The following UBN2 variants were observed in gnomAD, a reference collection of about 807,000 sequenced individuals.
UBN2 encodes the protein ubinuclein-2.
In UBN2, 35 loss-of-function variants were observed where a neutral mutation model predicts 120.2. The observed-to-expected ratio is 0.29, with a 90% CI of 0.22 to 0.39. UBN2 has a LOEUF of 0.39. UBN2 is among the 10% of genes least tolerant of loss of function. The pLI, the probability that UBN2 is intolerant of heterozygous loss-of-function variation, is 1.00. For synonymous variants in UBN2, 661 were observed against 648.7 expected, an observed-to-expected ratio of 1.02 and a Z score of -0.29; for missense variants, 1,693 against 1,663.2, an observed-to-expected ratio of 1.02 and a Z score of -0.31.
At chr7:139,255,533 C>T (rs914635107) in intron 3 of UBN2, among the ~76,000 whole-genome samples, 3 of 152,062 alleles carry the variant, frequency 2.0e-5, no homozygotes, top group Non-Finnish European at 4.4e-5. Context: ...AGTTTCTGAA[C>T]AAGGTAGGTT....
At position 139,269,416 on chromosome 7, in the gene UBN2, C is replaced by T. The variant is rs761105213; in HGVS notation, c.1489C>T (p.Leu497=). The T allele has an allele frequency of 1.9e-6, 3 of 1,614,074 alleles. No homozygotes were observed. The highest frequency in any genetic ancestry group is 2.2e-5 in the South Asian group (2 of 91,076). ...CAGCATTGAGTTACAGCTACAAGAA[C>T]TAGGCCCTGTCATTCGCAGTGGTGT... ...LLDIELQLQE[L]GPVIRSGVYS... The change falls in exon 8 of 18, where the codon CTA becomes TTA. Residue 497 remains leucine (L), a synonymous_variant. Transcript: ENST00000473989.
chr7:139,269,340 A>G (rs759058367), intron 7 of UBN2, 54 bp from the exon 8 acceptor site: 87 of 1,571,390 alleles, frequency 5.5e-5, no homozygotes, highest in Middle Eastern at 1.7e-4. Context: ...TGTCTGTGCA[A>G]TGCCACCTAA....
chr7:139,236,586 A>AT (rs917565026), intron 1 of UBN2, among the ~76,000 whole-genome samples: 1 of 151,818 alleles, frequency 6.6e-6, no homozygotes, highest in Non-Finnish European at 1.5e-5. Context: ...GTTCCTGGGG[A>AT]TTTTTTTTCT....
intron 3 of UBN2, among the ~76,000 whole-genome samples, chr7:139,252,455 A>G (rs1796648317): frequency 6.6e-6 from 1 of 152,234 alleles, no homozygotes; most frequent in Non-Finnish European, 1.5e-5. Flanking sequence ...ATGAAACTTT[A>G]TCTATGGTCT....
Position 139,283,084 on chromosome 7 carries a change from C to A in UBN2, c.2179C>A (p.Pro727Thr). The A allele has an allele frequency of 6.2e-7, 1 of 1,613,018 alleles. No homozygotes were observed. The highest frequency in any genetic ancestry group is 2.2e-5 in the East Asian group (1 of 44,872). The change falls in exon 15 of 18, where the codon CCT (proline) becomes ACT (threonine). Residue 727 changes from proline (P) to threonine (T), a missense_variant. This residue lies in a region of UBN2 where 837 missense variants were observed against 817.6 expected (regional missense o/e 1.02). Coordinates refer to ENST00000473989, the MANE Select transcript of UBN2 (RefSeq NM_173569.4). ...PTSLVASVSG[P>T]PTSSSTAAIA... ...ATCCCTGGTGGCTTCGGTTAGCGGT[C>A]CTCCAACGAGCTCCAGCACAGCTGC...
At chr7:139,250,499 G>T (rs1263812468) in intron 2 of UBN2, among the ~76,000 whole-genome samples, 1 of 151,726 alleles carries the variant, frequency 6.6e-6, no homozygotes, top group East Asian at 1.9e-4. Context: ...CTCCCAAAGT[G>T]CTGGGATTAC....
intron 7 of UBN2, among the ~76,000 whole-genome samples, chr7:139,268,698 G>C (rs1797168501): frequency 6.6e-6 from 1 of 152,126 alleles, no homozygotes; most frequent in South Asian, 2.1e-4. Flanking sequence ...TGGCTCACTG[G>C]CCTTGACCTG....
intron 10 of UBN2, 48 bp from the exon 11 acceptor site, chr7:139,273,883 G>A (rs1466890735): frequency 4.0e-6 from 6 of 1,493,598 alleles, no homozygotes; most frequent in Non-Finnish European, 5.4e-6. Context: ...GCTGCCAAAT[G>A]TATGTTCTTC....
intron 2 of UBN2, among the ~76,000 whole-genome samples, chr7:139,242,674 T>C (rs1264738481): frequency 6.6e-6 from 1 of 152,256 alleles, no homozygotes; most frequent in African/African-American, 2.4e-5. Flanking sequence ...TTCCTTGGCC[T>C]CTTTGAATTG....
Position 139,261,504 on chromosome 7 carries a change from C to T in UBN2, c.1158C>T (p.Ser386=). The T allele has an allele frequency of 6.2e-7, 1 of 1,614,148 alleles. No individual in the cohort carries two copies. Among genetic ancestry groups the T allele is most frequent in the East Asian group, 2.2e-5 (1 of 44,888 alleles). The stretch of plus-strand genomic sequence containing the variant: ...ATCCAGACCTTCCCATTTTTGTTAG[C>T]ACAAATGAACATGAGCTGTTTCAGG... ...SGDPDLPIFV[S]TNEHELFQEA... Residue 386 remains serine, a synonymous_variant, in exon 6 of 18, where the codon AGC becomes AGT. Transcript: ENST00000473989.
At chr7:139,308,525 A>AG (rs1168962349), downstream of UBN2, among the ~76,000 whole-genome samples, 1 of 152,192 alleles carries the variant, frequency 6.6e-6, no homozygotes, top group Admixed American at 6.5e-5. Context: ...TAATGTGGGA[A>AG]GACTCAGTGC....
At chr7:139,321,178 C>T in the UBN2 span, among the ~76,000 whole-genome samples, 1 of 152,230 alleles carries the variant, frequency 6.6e-6, no homozygotes, top group Non-Finnish European at 1.5e-5. Flanking sequence ...AGATCACCTT[C>T]ACAGCTCATG....
chr7:139,254,938 T>C (rs2130966812), intron 3 of UBN2, among the ~76,000 whole-genome samples: 1 of 152,318 alleles, frequency 6.6e-6, no homozygotes, highest in East Asian at 1.9e-4. Context: ...AGCCCAGACA[T>C]TGTGACACAT....
intron 7 of UBN2, among the ~76,000 whole-genome samples, chr7:139,267,552 G>A (rs920551585): frequency 2.7e-5 from 4 of 150,604 alleles, no homozygotes; most frequent in African/African-American, 9.8e-5. Context: ...AAAAAAAAGA[G>A]AGAAAGAGAG....
rs765750762 is a variant in UBN2 at position 139,284,216 on chromosome 7, C to G, written c.3311C>G (p.Ser1104Cys). The change falls in exon 15 of 18, where the codon TCC becomes TGC. Residue 1104 changes from serine to cysteine, a missense_variant. By Grantham distance (112) the Ser-to-Cys change is moderately radical. Around this residue, in one of 5 missense-constraint regions of UBN2, gnomAD observed 837 missense variants for 817.6 expected, o/e 1.02. Coordinates refer to ENST00000473989, the MANE Select transcript of UBN2 (RefSeq NM_173569.4). ...GCACTAGTTGCCCAGGGTAGCCACT[C>G]CAGCACTAACAGCCCAGTCCATAAA... ...PNALVAQGSH[S>C]STNSPVHKQP... 6.2e-7 allele frequency: 1 copy of G among 1,614,198 alleles called. No homozygotes were observed. The highest frequency in any genetic ancestry group is 8.5e-7 in the Non-Finnish European group (1 of 1,180,040).
chr7:139,316,741 G>A, the UBN2 span, among the ~76,000 whole-genome samples: 1 of 151,782 alleles, frequency 6.6e-6, no homozygotes, highest in African/African-American at 2.4e-5. Flanking sequence ...GTGAAACTCT[G>A]TCTCAAAAAA....
chr7:139,231,662 C>A lies in UBN2; in HGVS notation c.178C>A (p.Arg60Ser). ...GCCGGCCCCGCGGGAGCCTGCCCCC[C>A]GCTCGGACGCGCAGCCCCCGTCGCG... ...EPPAPREPAP[R>S]SDAQPPSREK... The change falls in exon 1 of 18, where the codon CGC becomes AGC. Residue 60 changes from arginine (R) to serine (S), a missense_variant. By Grantham distance (110) the Arg-to-Ser change is moderately radical (BLOSUM62 -1). Coordinates refer to ENST00000473989, the MANE Select transcript of UBN2 (RefSeq NM_173569.4). The A allele has an allele frequency of 2.5e-6, 3 of 1,195,058 alleles. No homozygotes were observed. Among genetic ancestry groups the A allele is most frequent in the Non-Finnish European group, 3.1e-6 (3 of 967,092 alleles). 74.0% of individuals were successfully genotyped at this position (1,195,058 alleles called of 1,614,324 possible). A position where few individuals can be genotyped will look rare whatever the true frequency, so the allele number is the denominator to read the frequency against.
At chr7:139,281,057 T>G (rs1014291552) in intron 13 of UBN2, among the ~76,000 whole-genome samples, 13 of 152,226 alleles carry the variant, frequency 8.5e-5, no homozygotes, top group African/African-American at 3.1e-4. Context: ...GACTTTATTT[T>G]TATTAGAATA....
At chr7:139,258,834 T>C (rs1348613296) in intron 4 of UBN2, among the ~76,000 whole-genome samples, 1 of 152,184 alleles carries the variant, frequency 6.6e-6, no homozygotes, top group African/African-American at 2.4e-5. Flanking sequence ...TTATAAAAAC[T>C]TCTCTCTACA....
Sources: allele counts gnomAD v4.1 joint callset (sites outside exome capture counted in the v4.1 genomes callset), GRCh38; gene constraint gnomAD v4.1.1; regional missense constraint gnomAD v4.1.1; transcripts MANE v1.5; gene names NCBI Gene and HGNC (gene_info 2026-07-23, HGNC 2026-07-21).